The following VPS8 variants were observed in gnomAD, a reference collection of about 807,000 sequenced individuals.
VPS8 encodes the protein vacuolar protein sorting-associated protein 8 homolog.
A neutral mutation model predicts 216.4 loss-of-function variants in VPS8; 129 were observed. The ratio of observed to expected loss-of-function variants is 0.60; its 90% CI spans 0.52 to 0.69. VPS8 has a LOEUF of 0.69. VPS8 is among the 30% of genes least tolerant of loss of function. VPS8 has a pLI of 0.00. For synonymous variants in VPS8, 571 were observed against 565.4 expected, an observed-to-expected ratio of 1.01 and a Z score of -0.14; for missense variants, 1,531 against 1,683.5, an observed-to-expected ratio of 0.91 and a Z score of 1.59.
intron 6 of VPS8, 182 bp downstream of exon 6, chr3:184,838,928 T>G: frequency 1.9e-6 from 1 of 517,394 alleles, no homozygotes; most frequent in Non-Finnish European, 3.3e-6. Context: ...TCCTAATTTT[T>G]TGTTACTTTT....
chr3:184,965,869 G>A (rs1747322093), intron 38 of VPS8, among the ~76,000 whole-genome samples: 1 of 152,108 alleles, frequency 6.6e-6, no homozygotes, highest in Admixed American at 6.6e-5. Flanking sequence ...ATAGATTTGA[G>A]AAGTTATTGA....
chr3:184,958,964 G>A (rs1374271710), intron 37 of VPS8, among the ~76,000 whole-genome samples: 8 of 152,120 alleles, frequency 5.3e-5, no homozygotes, highest in African/African-American at 1.7e-4. Context: ...GTAGTGATTG[G>A]CCATTTAGGC....
intron 21 of VPS8, among the ~76,000 whole-genome samples, chr3:184,872,431 G>C (rs920994575): frequency 6.6e-6 from 1 of 152,062 alleles, no homozygotes; most frequent in Non-Finnish European, 1.5e-5. Flanking sequence ...GGTGGTTTCT[G>C]ATGCATTCCT....
chr3:184,868,312 C>CTGGA, intron 18 of VPS8: 1 of 430,062 alleles, frequency 2.3e-6, no homozygotes, highest in Non-Finnish European at 4.2e-6. Context: ...GTAAAAGCAC[C>CTGGA]TGGAGCTAGG....
chr3:184,830,505 T>C (rs1034975196), intron 3 of VPS8, among the ~76,000 whole-genome samples: 26 of 151,786 alleles, frequency 1.7e-4, no homozygotes, highest in Middle Eastern at 3.4e-3. Context: ...TTTGAAAGGA[T>C]TGTGCAGTTT....
rs1328385397 is a variant in VPS8, at chr3:184,982,615, C to T, written c.3470C>T (p.Ser1157Phe). The T allele has an allele frequency of 2.5e-6, 4 of 1,611,190 alleles. No individual in the cohort carries two copies. Among genetic ancestry groups the T allele is most frequent in the Non-Finnish European group, 3.4e-6 (4 of 1,178,846 alleles). Residue 1157 changes from serine (S) to phenylalanine (F), a missense_variant, in exon 41 of 48, where the codon TCC becomes TTC. Ser to Phe is a radical substitution (Grantham distance 155, BLOSUM62 -2). Around this residue, in one of 3 missense-constraint regions of VPS8, gnomAD observed 1,318 missense variants for 1,468.4 expected, o/e 0.90. Transcript: ENST00000625842. Reference sequence around the variant, plus strand: ...GCAATGATGGCCCCTCAGAAGCTGTCCAGTTCAGCCATTCCTCATCTACAC... The same window carrying T: ...GCAATGATGGCCCCTCAGAAGCTGTTCAGTTCAGCCATTCCTCATCTACAC... ...LEAMMAPQKLSSSAIPHLHSE... is the reference protein window; with the variant it reads ...LEAMMAPQKLFSSAIPHLHSE...
chr3:184,912,858 T>C (rs1436851368), intron 25 of VPS8, among the ~76,000 whole-genome samples: 1 of 152,212 alleles, frequency 6.6e-6, no homozygotes, highest in African/African-American at 2.4e-5. Flanking sequence ...CAACCACAGA[T>C]TCCCATCATC....
At chr3:184,929,952 A>G (rs543695153) in intron 33 of VPS8, among the ~76,000 whole-genome samples, 1 of 152,328 alleles carries the variant, frequency 6.6e-6, no homozygotes, top group African/African-American at 2.4e-5. Flanking sequence ...CCAGGGAAGG[A>G]ATTTCAGAGA....
chr3:184,841,127 A>C (rs1430411536), intron 7 of VPS8, among the ~76,000 whole-genome samples: 1 of 152,212 alleles, frequency 6.6e-6, no homozygotes, highest in African/African-American at 2.4e-5. Flanking sequence ...CCCTTGAAGG[A>C]ATTTAGAATT....
intron 46 of VPS8, among the ~76,000 whole-genome samples, chr3:185,039,533 T>A (rs1406265519): frequency 6.6e-6 from 1 of 152,006 alleles, no homozygotes. Flanking sequence ...GTGGGGTTTT[T>A]TTTTTGGAAA....
At chr3:185,020,291 C>T (rs1002941991) in intron 45 of VPS8, among the ~76,000 whole-genome samples, 3 of 152,182 alleles carry the variant, frequency 2.0e-5, no homozygotes, top group East Asian at 3.9e-4. Context: ...ATTGATATGT[C>T]GAAGTAAACA....
chr3:185,003,180 A>G (rs1182478447), intron 45 of VPS8, among the ~76,000 whole-genome samples: 2 of 85,400 alleles, frequency 2.3e-5, no homozygotes, highest in African/African-American at 5.2e-5. Context: ...TTAATTGATC[A>G]TTCTTGGGTG....
intron 6 of VPS8, 77 bp from the exon 7 acceptor site, chr3:184,839,621 G>A (rs1037312494): frequency 1.4e-6 from 2 of 1,424,846 alleles, no homozygotes; most frequent in African/African-American, 1.4e-5. Context: ...AGGAAGGCAG[G>A]CCAACAAATT....
At chr3:184,921,967 C>T (rs923488586) in intron 29 of VPS8, among the ~76,000 whole-genome samples, 1 of 152,154 alleles carries the variant, frequency 6.6e-6, no homozygotes, top group African/African-American at 2.4e-5. Flanking sequence ...CAAGATCCCT[C>T]TATATATTCT....
chr3:184,874,178 A>G (rs1005767806), intron 21 of VPS8, among the ~76,000 whole-genome samples: 2 of 152,148 alleles, frequency 1.3e-5, no homozygotes, highest in Non-Finnish European at 2.9e-5. Context: ...TGTTAAACTC[A>G]TATAATTACC....
chr3:184,830,524 T>A (rs1719766394), intron 3 of VPS8, among the ~76,000 whole-genome samples: 2 of 151,972 alleles, frequency 1.3e-5, no homozygotes, highest in South Asian at 4.1e-4. Flanking sequence ...TTTTTTCACA[T>A]CAGTTTGGGG....
At chr3:184,839,482 A>G (rs1324980426) in intron 6 of VPS8, 1 of 503,808 alleles carries the variant, frequency 2.0e-6, no homozygotes, top group African/African-American at 2.0e-5. Flanking sequence ...TGATATTTTG[A>G]TAGTGTTACT....
At chr3:184,874,068 G>A (rs1009976691) in intron 21 of VPS8, among the ~76,000 whole-genome samples, 3 of 151,504 alleles carry the variant, frequency 2.0e-5, no homozygotes, top group African/African-American at 7.3e-5. Flanking sequence ...GACTTTTAAA[G>A]TGTTTTTTTT....
intron 42 of VPS8, 56 bp downstream of exon 42, chr3:184,983,150 T>C: frequency 7.1e-7 from 1 of 1,405,610 alleles, no homozygotes; most frequent in Non-Finnish European, 9.6e-7. Flanking sequence ...TTTAGTTATA[T>C]ATAAATAACA....
Sources: gnomAD v4.1 joint callset for allele counts (sites outside exome capture counted in the v4.1 genomes callset) on GRCh38, gnomAD v4.1.1 for gene constraint, gnomAD v4.1.1 regional missense constraint, MANE v1.5 for transcripts, NCBI Gene and HGNC (gene_info 2026-07-23, HGNC 2026-07-21) for gene names.